VPS13C: variants seen among roughly 807,000 people sequenced by gnomAD.
VPS13C encodes intermembrane lipid transfer protein VPS13C.
In VPS13C, 358 loss-of-function variants were observed where a neutral mutation model predicts 456.8. The ratio of observed to expected loss-of-function variants is 0.78; its 90% confidence interval spans 0.72 to 0.86. The LOEUF (loss-of-function observed/expected upper bound fraction) is 0.86. VPS13C is among the 40% of genes least tolerant of loss of function. The pLI is 0.00. For missense variants in VPS13C, 4,818 were observed against 4,385.4 expected (o/e 1.10, Z -2.79); for synonymous variants, 1,578 against 1,486.7 (o/e 1.06, Z -1.41).
chr15:61,974,260 G>A (rs1461525823), intron 25 of VPS13C, 28 bp downstream of exon 25: 3 of 1,597,698 alleles, frequency 1.9e-6, no homozygotes, highest in Non-Finnish European at 2.6e-6. Flanking sequence ...ATAAAAATAG[G>A]GTTATACATT....
At chr15:61,856,653 C>A in intron 82 of VPS13C, 6 of 262,380 alleles carry the variant, frequency 2.3e-5, no homozygotes, top group South Asian at 1.1e-4. Context: ...TTGCAGAATT[C>A]AGAAAAGTGT....
intron 44 of VPS13C, 128 bp from the exon 45 acceptor site, chr15:61,946,010 T>G: frequency 2.2e-6 from 2 of 902,832 alleles, no homozygotes; most frequent in South Asian, 5.1e-5. Context: ...ACATTAAAAA[T>G]TATTAGCTAA....
intron 9 of VPS13C, among the ~76,000 whole-genome samples, chr15:62,016,284 T>C (rs887149815): frequency 6.6e-6 from 1 of 151,416 alleles, no homozygotes; most frequent in Admixed American, 6.6e-5. Flanking sequence ...TATATATTTT[T>C]ATTATACTTT....
At chr15:61,916,110 C>T (rs1317016263) in intron 60 of VPS13C, 88 bp from the exon 61 acceptor site, 2 of 1,388,942 alleles carry the variant, frequency 1.4e-6, no homozygotes, top group South Asian at 1.5e-5. Context: ...AAATAAACTA[C>T]CAGATGCATG....
intron 29 of VPS13C, 127 bp downstream of exon 29, chr15:61,967,241 C>A: frequency 1.3e-6 from 1 of 746,208 alleles, no homozygotes; most frequent in Non-Finnish European, 2.1e-6. Flanking sequence ...AAAAAAGAAA[C>A]AGATTTCCCT....
intron 59 of VPS13C, 83 bp from the exon 60 acceptor site, chr15:61,917,718 T>C (rs934189068): frequency 1.3e-5 from 18 of 1,409,426 alleles, no homozygotes; most frequent in African/African-American, 2.9e-5. Context: ...CTGACAACTC[T>C]ACAAGATAGG....
chr15:62,059,782 T>C (rs2048929463), intron 1 of VPS13C, among the ~76,000 whole-genome samples: 1 of 152,230 alleles, frequency 6.6e-6, no homozygotes, highest in Non-Finnish European at 1.5e-5. Flanking sequence ...CCGGTAATCC[T>C]AAAGAGAAGG....
intron 31 of VPS13C, 64 bp from the exon 32 acceptor site, chr15:61,964,015 T>A (rs186887153): frequency 9.6e-7 from 1 of 1,041,482 alleles, no homozygotes; most frequent in Non-Finnish European, 1.4e-6. Context: ...CTTTTAAGGT[T>A]TATTCGCTAT....
intron 61 of VPS13C, among the ~76,000 whole-genome samples, chr15:61,913,778 C>G (rs895265156): frequency 6.6e-6 from 1 of 152,106 alleles, no homozygotes; most frequent in African/African-American, 2.4e-5. Context: ...AAAGTCTTAG[C>G]ATAAAGAGAA....
chr15:61,862,292 A>C (rs1894269238), intron 82 of VPS13C, among the ~76,000 whole-genome samples: 1 of 152,194 alleles, frequency 6.6e-6, no homozygotes, highest in Non-Finnish European at 1.5e-5. Context: ...TTACCTCCTA[A>C]ACAACTCCAT....
chr15:62,040,875 G>C (rs1281175253), intron 3 of VPS13C, among the ~76,000 whole-genome samples: 2 of 152,106 alleles, frequency 1.3e-5, no homozygotes, highest in East Asian at 1.9e-4. Flanking sequence ...GAGAGACTTT[G>C]TACTTACCAA....
intron 2 of VPS13C, among the ~76,000 whole-genome samples, chr15:62,043,661 C>T (rs2048311176): frequency 6.6e-6 from 1 of 151,984 alleles, no homozygotes; most frequent in Non-Finnish European, 1.5e-5. Context: ...ATTAATTAAA[C>T]AATAAACTCA....
At chr15:61,890,911 G>C (rs2042630701) in intron 66 of VPS13C, among the ~76,000 whole-genome samples, 1 of 152,148 alleles carries the variant, frequency 6.6e-6, no homozygotes, top group African/African-American at 2.4e-5. Flanking sequence ...GCCAGGCATG[G>C]TGGCGGGCAC....
rs1164182349 is a variant in VPS13C at position 61,868,721 on chromosome 15, G to A, written c.10801C>T (p.His3601Tyr). 1.2e-6 allele frequency: 2 copies of A among 1,614,118 alleles called. No homozygotes were observed. The highest frequency in any genetic ancestry group is 4.5e-5 in the East Asian group (2 of 44,872). ...VSSLRPPRLIHEDGIIRPYDR... is the reference protein window; with the variant it reads ...VSSLRPPRLIYEDGIIRPYDR... The stretch of plus-strand genomic sequence containing the variant: ...TAAGGACGAATGATGCCATCTTCAT[G>A]GATCAGGCGAGGGGGACGGAGGCTA... The change falls in exon 81 of 85, where the codon CAT becomes TAT. Residue 3601 changes from histidine (H) to tyrosine (Y), a missense_variant. Transcript: ENST00000644861.
chr15:62,000,638 A>C lies in VPS13C; in HGVS notation c.1291-12T>G. ...GTCTTCTCCAAGTCCTGTAAAAAAC[A>C]GAGGCACTTATAAACAAGAAATTTA... On this transcript the variant is annotated splice_polypyrimidine_tract_variant and intron_variant, in intron 15 of 84. Coordinates refer to ENST00000644861, the MANE Select transcript of VPS13C (RefSeq NM_020821.3). The C allele has an allele frequency of 6.3e-7, 1 of 1,589,924 alleles. No homozygotes were observed. The highest frequency in any genetic ancestry group is 8.5e-7 in the Non-Finnish European group (1 of 1,173,152).
chr15:61,954,164 T>C (rs1252693514), intron 38 of VPS13C, among the ~76,000 whole-genome samples: 1 of 152,140 alleles, frequency 6.6e-6, no homozygotes, highest in Non-Finnish European at 1.5e-5. Flanking sequence ...TTATATGACA[T>C]CCAAAGCAAG....
Position 61,867,775 on chromosome 15 carries a change from C to G in VPS13C, c.10863+884G>C. ...AATACCACAAGTTTTTATTTGTAGT[C>G]AATCCCACTACTATGAAAAGTTCAG... On this transcript the variant is annotated intron_variant, in intron 81 of 84. Transcript: ENST00000644861. The surrounding 1 kb of genome is among the most constrained non-coding windows in gnomAD (Gnocchi z 5.0). The G allele has an allele frequency of 6.7e-7, 1 of 1,485,552 alleles. No homozygotes were observed. The allele number at this position is 1,485,552 out of a possible 1,614,324, so 92.0% of individuals were successfully genotyped here. A position where few individuals can be genotyped will look rare whatever the true frequency, so the allele number is the denominator to read the frequency against.
At chr15:62,010,991 T>G (rs1175557926) in intron 12 of VPS13C, among the ~76,000 whole-genome samples, 3 of 152,182 alleles carry the variant, frequency 2.0e-5, no homozygotes, top group Non-Finnish European at 4.4e-5. Flanking sequence ...TAAATTTGTC[T>G]TATTTAATCA....
intron 46 of VPS13C, 40 bp downstream of exon 46, chr15:61,941,723 T>C (rs755760214): frequency 6.6e-7 from 1 of 1,524,038 alleles, no homozygotes; most frequent in South Asian, 1.3e-5. Context: ...GAAAATCCTA[T>C]TTCTAGTAAG....
Sources: allele counts gnomAD v4.1 joint callset (sites outside exome capture counted in the v4.1 genomes callset), GRCh38; gene constraint gnomAD v4.1.1; non-coding constraint Gnocchi (gnomAD v3.1); transcripts MANE v1.5; gene names NCBI Gene and HGNC (gene_info 2026-07-23, HGNC 2026-07-21).